EVA1A: variants seen among roughly 807,000 people sequenced by gnomAD.
The protein encoded by EVA1A is eva-1 homolog A, regulator of programmed cell death.
EVA1A carries 7 observed loss-of-function variants against 9.8 expected under a neutral mutation model. The ratio of observed to expected loss-of-function variants is 0.71; its 90% confidence interval spans 0.41 to 1.34. The LOEUF is 1.34. Ranked by LOEUF, EVA1A falls within the 40% of genes most tolerant of loss-of-function variation. The pLI, the probability that EVA1A is intolerant of heterozygous loss-of-function variation, is 0.01. For missense variants in EVA1A, 206 were observed against 205.9 expected, an observed-to-expected ratio of 1.00 and a Z score of 0.00; for synonymous variants, 90 against 85.6, an observed-to-expected ratio of 1.05 and a Z score of -0.28.
chr2:75,501,686 C>T (rs1674429313), intron 3 of EVA1A, among the ~76,000 whole-genome samples: 1 of 152,192 alleles, frequency 6.6e-6, no homozygotes. Flanking sequence ...GACTGGCCCA[C>T]TTCTGCTATA....
chr2:75,495,419 A>C (rs10187673), intron 3 of EVA1A, among the ~76,000 whole-genome samples: 2 of 151,890 alleles, frequency 1.3e-5, no homozygotes, highest in Non-Finnish European at 1.5e-5. Context: ...TGAAGACCAC[A>C]GTGTTCTCCC....
At chr2:75,519,326 G>A (rs981276628) in intron 2 of EVA1A, among the ~76,000 whole-genome samples, 2 of 152,188 alleles carry the variant, frequency 1.3e-5, no homozygotes, top group Admixed American at 6.5e-5. Context: ...TGGGATCTCA[G>A]TGGGTCACAG....
chr2:75,516,678 C>A (rs531198691), intron 3 of EVA1A, among the ~76,000 whole-genome samples: 15 of 152,182 alleles, frequency 9.9e-5, no homozygotes, highest in Non-Finnish European at 2.1e-4. Context: ...TGCTCTCATG[C>A]GAGACATATT....
Position 75,493,407 on chromosome 2 carries a change from G to A in EVA1A, c.288C>T (p.Ser96=), listed in dbSNP as rs1431841835. The change falls in exon 4 of 4, where the codon TCC becomes TCT. Residue 96 remains serine (S), a synonymous_variant. Coordinates refer to ENST00000393913, the MANE Select transcript of EVA1A (RefSeq NM_001135032.2). The part of the protein sequence containing the change: ...DGSEDTVSDL[S]VRRHRRFERT... ...TCTCGAAGCGGCGGTGTCTCCGCACGGAGAGATCGGACACGGTGTCCTCAC... is the reference window on the plus strand; with the variant it reads ...TCTCGAAGCGGCGGTGTCTCCGCACAGAGAGATCGGACACGGTGTCCTCAC... 4 of 1,614,116 alleles carry A rather than the reference G, an allele frequency of 2.5e-6. No individual in the cohort carries two copies. The African/African-American group carries it at 4.0e-5, about 16-fold the overall frequency.
rs555483989 is a variant in EVA1A, at chr2:75,535,914, C to T, written c.-191-13427G>A. Among the ~76,000 whole-genome samples, 5 of 152,266 alleles carry T rather than the reference C, an allele frequency of 3.3e-5. No homozygotes were observed. In the East Asian group the frequency reaches 7.7e-4, roughly 24 times the overall value. ...TCCATGTAACCAAAAAATACTTGTA[C>T]CTCTAAAGCTATTGAAATAAAATGT... On this transcript the variant is annotated intron_variant, in intron 1 of 3. Transcript: ENST00000393913.
intron 1 of EVA1A, among the ~76,000 whole-genome samples, chr2:75,534,013 T>C (rs939546106): frequency 1.3e-5 from 2 of 151,794 alleles, no homozygotes; most frequent in African/African-American, 4.8e-5. Context: ...GGGGTTTCAC[T>C]GTGTTAGCCA....
At chr2:75,545,109 A>G (rs554935228) in intron 1 of EVA1A, among the ~76,000 whole-genome samples, 2 of 152,374 alleles carry the variant, frequency 1.3e-5, no homozygotes, top group South Asian at 2.1e-4. Context: ...AATATTCCAC[A>G]TAAGATTTCA....
At chr2:75,503,241 G>T (rs1674492608) in intron 3 of EVA1A, among the ~76,000 whole-genome samples, 1 of 152,128 alleles carries the variant, frequency 6.6e-6, no homozygotes, top group Non-Finnish European at 1.5e-5. Context: ...GAGCTCCAAG[G>T]TGATTGTTTT....
chr2:75,539,768 T>A (rs1355075250), intron 1 of EVA1A, among the ~76,000 whole-genome samples: 1 of 152,124 alleles, frequency 6.6e-6, no homozygotes, highest in Non-Finnish European at 1.5e-5. Context: ...AATAAAAAAA[T>A]TAAGTTTGTA....
chr2:75,534,151 ATTGC>A (rs1368965568), intron 1 of EVA1A, among the ~76,000 whole-genome samples: 1 of 152,104 alleles, frequency 6.6e-6, no homozygotes, highest in African/African-American at 2.4e-5. Flanking sequence ...AGACAGTAAG[ATTGC>A]TTAAGTCCAG....
chr2:75,535,481 T>C (rs1453519426), intron 1 of EVA1A, among the ~76,000 whole-genome samples: 2 of 152,144 alleles, frequency 1.3e-5, no homozygotes, highest in African/African-American at 2.4e-5. Flanking sequence ...AAAAAGACAC[T>C]TGCACACATA....
chr2:75,547,378 C>A lies in EVA1A; in HGVS notation c.-192+13302G>T, dbSNP rs534894410. On this transcript the variant is annotated intron_variant, in intron 1 of 3. Coordinates refer to ENST00000393913, the MANE Select transcript of EVA1A (RefSeq NM_001135032.2). ...CATTTACCAGCGATACAGCTTTAGG[C>A]AAATGACTTGCAATTTTCAAACTTC... Among the ~76,000 whole-genome samples the A allele has an allele frequency of 5.3e-5, 8 of 152,272 alleles. No homozygotes were observed. The South Asian group carries it at 1.7e-3, about 32-fold the overall frequency.
chr2:75,554,867 C>A (rs1676647472), intron 1 of EVA1A, among the ~76,000 whole-genome samples: 1 of 152,180 alleles, frequency 6.6e-6, no homozygotes, highest in African/African-American at 2.4e-5. Context: ...ATTGAGTCTT[C>A]TTCTCTACTC....
rs370607490 is a variant in EVA1A, at chr2:75,543,296, C to T, written c.-192+17384G>A. ...ATTCTATTCCTAATCAGTGGGGCTTCCCAAACCCAGTACACCGGAGACATC... is the reference window on the plus strand; with the variant it reads ...ATTCTATTCCTAATCAGTGGGGCTTTCCAAACCCAGTACACCGGAGACATC... On this transcript the variant is annotated intron_variant, in intron 1 of 3. Transcript: ENST00000393913. Among the ~76,000 whole-genome samples, 137 of 152,212 alleles carry T rather than the reference C, an allele frequency of 9.0e-4. 2 individuals carry two copies. Among genetic ancestry groups the T allele is most frequent in the African/African-American group, 3.2e-3 (132 of 41,532 alleles).
chr2:75,505,706 C>T (rs549814873), intron 3 of EVA1A, among the ~76,000 whole-genome samples: 9 of 151,752 alleles, frequency 5.9e-5, no homozygotes, highest in Admixed American at 1.3e-4. Flanking sequence ...CCCAGCTACT[C>T]GGGAGGCTGA....
rs1227612508 is a variant in EVA1A at position 75,493,652 on chromosome 2, A to G, written c.86-43T>C. 1.1e-5 allele frequency: 16 copies of G among 1,521,428 alleles called. No homozygotes were observed. The South Asian group carries it at 1.1e-4, about 10-fold the overall frequency. The allele number at this position is 1,521,428 out of a possible 1,614,324, so 94.2% of individuals were successfully genotyped here. ...AGAAGCAAGCATTTGAGAGATGACA[A>G]CTCCATATGCAGAGATCCAATATGA... On this transcript the variant is annotated intron_variant, in intron 3 of 3. Coordinates refer to ENST00000393913, the MANE Select transcript of EVA1A (RefSeq NM_001135032.2).
intron 2 of EVA1A, among the ~76,000 whole-genome samples, chr2:75,519,666 C>A (rs1481232143): frequency 6.6e-6 from 1 of 152,126 alleles, no homozygotes; most frequent in Non-Finnish European, 1.5e-5. Flanking sequence ...AAGGTGGCAA[C>A]TGGATGATAC....
At chr2:75,498,127 G>A (rs1217556930) in intron 3 of EVA1A, among the ~76,000 whole-genome samples, 2 of 152,116 alleles carry the variant, frequency 1.3e-5, no homozygotes, top group African/African-American at 4.8e-5. Context: ...TGGTACATAT[G>A]CACCATGGAA....
At chr2:75,547,906 C>T (rs111717801) in intron 1 of EVA1A, among the ~76,000 whole-genome samples, 4 of 152,342 alleles carry the variant, frequency 2.6e-5, no homozygotes, top group African/African-American at 9.6e-5. Flanking sequence ...GCCACACTCA[C>T]TCACTCATTT....
Sources: gnomAD v4.1 joint callset for allele counts (sites outside exome capture counted in the v4.1 genomes callset) on GRCh38, gnomAD v4.1.1 for gene constraint, MANE v1.5 for transcripts, NCBI Gene and HGNC (gene_info 2026-07-23, HGNC 2026-07-21) for gene names.